Variants in MGAM2 observed in about 807,000 individuals in gnomAD.
MGAM2 encodes the protein maltase-glucoamylase 2 (putative).
A neutral mutation model predicts 96.1 loss-of-function variants in MGAM2; 98 were observed. The observed-to-expected ratio is 1.02, with a 90% CI of 0.87 to 1.21. The LOEUF (loss-of-function observed/expected upper bound fraction) is 1.21. MGAM2 is among the 50% of genes most tolerant of loss of function. MGAM2 has a pLI of 0.00. For synonymous variants in MGAM2, 749 were observed against 414.8 expected, an observed-to-expected ratio of 1.81 and a Z score of -9.79; for missense variants, 2,055 against 1,182.4, an observed-to-expected ratio of 1.74 and a Z score of -10.82.
chr7:142,185,734 T>A (rs1262242952), intron 34 of MGAM2, among the ~76,000 whole-genome samples: 3 of 152,222 alleles, frequency 2.0e-5, no homozygotes, highest in Admixed American at 1.3e-4. Flanking sequence ...TCCAGTCTTG[T>A]GATTACATGT....
intron 27 of MGAM2, 94 bp downstream of exon 27, chr7:142,170,323 C>G: frequency 1.8e-6 from 1 of 560,098 alleles, no homozygotes. Context: ...CTCAGAGACT[C>G]TATGGAAATA....
At chr7:142,176,784 G>A (rs1463050301) in intron 32 of MGAM2, among the ~76,000 whole-genome samples, 1 of 152,078 alleles carries the variant, frequency 6.6e-6, no homozygotes, top group Non-Finnish European at 1.5e-5. Flanking sequence ...TGAGGATTAA[G>A]TCTTATCAAT....
intron 2 of MGAM2, among the ~76,000 whole-genome samples, chr7:142,118,345 C>T (rs996146019): frequency 3.3e-5 from 5 of 152,066 alleles, no homozygotes; most frequent in Admixed American, 2.6e-4. Flanking sequence ...TGCAGGAATC[C>T]AGTTTTAAGA....
chr7:142,217,270 C>T (rs1797792414), intron 46 of MGAM2, among the ~76,000 whole-genome samples: 1 of 152,202 alleles, frequency 6.6e-6, no homozygotes, highest in South Asian at 2.1e-4. Context: ...ACACTGTCCT[C>T]AGTCTAGGGA....
Position 142,222,021 on chromosome 7 carries a change from T to A in MGAM2, c.7510T>A (p.Tyr2504Asn). The A allele has an allele frequency of 5.0e-6, 2 of 398,378 alleles. No homozygotes were observed. The highest frequency in any genetic ancestry group is 8.9e-6 in the Non-Finnish European group (2 of 225,866). 24.7% of individuals were successfully genotyped at this position (398,378 alleles called of 1,614,324 possible). Reference protein sequence around the residue: ...TVHTSATAPTYIANAINATQV... With the variant: ...TVHTSATAPTNIANAINATQV... ...ACATACCTCTGCTACTGCACCTACT[T>A]ATATTGCAAATGCCATAAATGCTAC... Residue 2504 changes from tyrosine to asparagine, a missense_variant, in exon 48 of 48, where the codon TAT becomes AAT. Coordinates refer to ENST00000477922, the MANE Select transcript of MGAM2 (RefSeq NM_001293626.2).
intron 2 of MGAM2, among the ~76,000 whole-genome samples, chr7:142,117,772 C>T (rs1817465031): frequency 6.6e-6 from 1 of 152,150 alleles, no homozygotes; most frequent in South Asian, 2.1e-4. Context: ...ATTCCTACTT[C>T]TCCCCTCTAA....
rs1797084821 is a variant in MGAM2 at position 142,197,533 on chromosome 7, G to A, written c.4766G>A (p.Arg1589Gln). 2.8e-6 allele frequency: 2 copies of A among 703,110 alleles called. No homozygotes were observed. Among genetic ancestry groups the A allele is most frequent in the Non-Finnish European group, 2.6e-6 (1 of 385,034 alleles). The allele number at this position is 703,110 out of a possible 1,614,324, so 43.6% of individuals were successfully genotyped here. Residue 1589 changes from arginine (R) to glutamine (Q), a missense_variant, in exon 41 of 48, where the codon CGG becomes CAG. Arg to Gln is a conservative substitution (Grantham distance 43). Transcript: ENST00000477922. ...KAHVEGSTVV[R>Q]PLLHEFTDDR... ...CACGTTGAGGGCAGCACAGTTGTCC[G>A]GCCCCTTCTCCATGAGTGAGTACAG...
chr7:142,158,428 A>G (rs1585172713), intron 19 of MGAM2, 96 bp downstream of exon 19: 5 of 630,322 alleles, frequency 7.9e-6, no homozygotes, highest in Non-Finnish European at 1.4e-5. Flanking sequence ...CTGCATTTAT[A>G]TCAAAATATG....
At chr7:142,167,624 A>G (rs1206667988) in intron 26 of MGAM2, 138 bp downstream of exon 26, 1 of 623,840 alleles carries the variant, frequency 1.6e-6, no homozygotes, top group South Asian at 1.9e-5. Flanking sequence ...CCAGGCTGGA[A>G]TGCAGGGGCA....
At chr7:142,117,327 A>G (rs182375626) in intron 2 of MGAM2, among the ~76,000 whole-genome samples, 1 of 152,238 alleles carries the variant, frequency 6.6e-6, no homozygotes, top group East Asian at 1.9e-4. Context: ...CCATTATATT[A>G]TGGAAAAGGA....
chr7:142,194,223 G>C (rs752285496), intron 37 of MGAM2, among the ~76,000 whole-genome samples: 6 of 152,072 alleles, frequency 3.9e-5, no homozygotes, highest in Non-Finnish European at 8.8e-5. Context: ...TTAAAGACAG[G>C]GTTTTGCCAT....
chr7:142,150,609 A>T (rs1353531614), intron 15 of MGAM2, among the ~76,000 whole-genome samples: 1 of 152,142 alleles, frequency 6.6e-6, no homozygotes, highest in African/African-American at 2.4e-5. Context: ...CCCTGAACTT[A>T]GTAATCAAAA....
At chr7:142,156,069 G>A (rs747416228) in intron 17 of MGAM2, among the ~76,000 whole-genome samples, 2 of 151,920 alleles carry the variant, frequency 1.3e-5, no homozygotes, top group Non-Finnish European at 1.5e-5. Flanking sequence ...CTCTTGAACC[G>A]GGGAGGCAGA....
rs183789152 is a variant in MGAM2 at position 142,211,623 on chromosome 7, G to A, written c.5187+3001G>A. On this transcript the variant is annotated intron_variant, in intron 46 of 47. Transcript: ENST00000477922. ...GAACAGCAACTTAATGAAATAAAGC[G>A]TGAAGACAAAATTAGAGAAAAAAGA... Among the ~76,000 whole-genome samples, 42 of 152,278 alleles carry A rather than the reference G, an allele frequency of 2.8e-4. 1 individual carries two copies. Among genetic ancestry groups the A allele is most frequent in the Middle Eastern group, 6.8e-3 (2 of 294 alleles).
At chr7:142,120,200 T>C (rs2129074211) in intron 2 of MGAM2, 102 bp from the exon 3 acceptor site, 1 of 654,758 alleles carries the variant, frequency 1.5e-6, no homozygotes, top group East Asian at 2.7e-5. Context: ...CGGTGATCTG[T>C]TGTGTGGAGA....
At chr7:142,201,726 G>T (rs1028402823) in intron 45 of MGAM2, among the ~76,000 whole-genome samples, 1 of 152,122 alleles carries the variant, frequency 6.6e-6, no homozygotes, top group Non-Finnish European at 1.5e-5. Flanking sequence ...AACAATACAG[G>T]ATACCAATGA....
intron 37 of MGAM2, among the ~76,000 whole-genome samples, chr7:142,193,051 G>T (rs1796921154): frequency 6.6e-6 from 1 of 152,002 alleles, no homozygotes; most frequent in Non-Finnish European, 1.5e-5. Flanking sequence ...TCTTGCTTTT[G>T]CCTATATCCT....
At chr7:142,159,875 T>G (rs1795837836) in intron 20 of MGAM2, among the ~76,000 whole-genome samples, 1 of 152,194 alleles carries the variant, frequency 6.6e-6, no homozygotes, top group Admixed American at 6.5e-5. Context: ...AAGACTGGGC[T>G]TTGTCATTTG....
At chr7:142,111,998 C>CTG (rs57967255) in intron 1 of MGAM2, among the ~76,000 whole-genome samples, 191 bp downstream of exon 1, 16,463 of 133,434 alleles carry the variant, frequency 0.12, 1,022 homozygotes, top group East Asian at 0.22. Flanking sequence ...AGAGGAGAGA[C>CTG]TGTGTGTGTG....
Sources: allele counts gnomAD v4.1 joint callset (sites outside exome capture counted in the v4.1 genomes callset), GRCh38; gene constraint gnomAD v4.1.1; transcripts MANE v1.5; gene names NCBI Gene and HGNC (gene_info 2026-07-23, HGNC 2026-07-21).